MTUS1: variants seen among roughly 807,000 people sequenced by gnomAD.
MTUS1 encodes microtubule-associated tumor suppressor 1.
A neutral mutation model predicts 120.8 loss-of-function variants in MTUS1; 109 were observed. The observed-to-expected ratio is 0.90, with a 90% CI of 0.77 to 1.06. The LOEUF is 1.06. MTUS1 is among the 50% of genes least tolerant of loss of function. The probability of loss-of-function intolerance (pLI) is 0.00; values close to 1 mark genes in which losing one functional copy is unlikely to be tolerated. For synonymous variants in MTUS1, 737 were observed against 550.5 expected (o/e 1.34, Z -4.74); for missense variants, 2,210 against 1,486.3 (o/e 1.49, Z -8.01).
chr8:17,800,661 G>A (rs1393005598), intron 1 of MTUS1: 1 of 152,224 alleles, frequency 6.6e-6, no homozygotes, highest in African/African-American at 2.4e-5. Flanking sequence ...AAAGTAGCGA[G>A]GCGCCACGAG....
intron 3 of MTUS1, among the ~76,000 whole-genome samples, chr8:17,740,176 C>G (rs922079149): frequency 2.6e-5 from 4 of 151,522 alleles, no homozygotes; most frequent in Non-Finnish European, 5.9e-5. Context: ...CCATTGCACT[C>G]CAGCCTGATC....
chr8:17,669,532 G>A (rs950748398), intron 8 of MTUS1, among the ~76,000 whole-genome samples: 1 of 152,108 alleles, frequency 6.6e-6, no homozygotes, highest in African/African-American at 2.4e-5. Flanking sequence ...CCAAAATAGA[G>A]TCTTTTGTGT....
chr8:17,735,496 T>C (rs576068695), intron 3 of MTUS1, among the ~76,000 whole-genome samples: 3 of 152,338 alleles, frequency 2.0e-5, no homozygotes, highest in East Asian at 1.9e-4. Context: ...TCATCTGTCA[T>C]TGACCCCGGG....
intron 1 of MTUS1, among the ~76,000 whole-genome samples, chr8:17,789,338 G>A (rs551161519): frequency 4.0e-4 from 61 of 152,218 alleles, no homozygotes; most frequent in African/African-American, 1.4e-3. Context: ...GCCACTTTTA[G>A]TTTTTAAATT....
chr8:17,684,701 C>A (rs1563199484), intron 6 of MTUS1, among the ~76,000 whole-genome samples, 159 bp from the exon 7 acceptor site: 1 of 152,156 alleles, frequency 6.6e-6, no homozygotes, highest in East Asian at 1.9e-4. Context: ...AATCGGAGAT[C>A]TAGACGGTTG....
intron 8 of MTUS1, among the ~76,000 whole-genome samples, chr8:17,663,742 T>A (rs1388251336): frequency 2.0e-5 from 3 of 152,096 alleles, no homozygotes; most frequent in Non-Finnish European, 4.4e-5. Flanking sequence ...ATTACAGGCA[T>A]GCACCACCAT....
intron 3 of MTUS1, among the ~76,000 whole-genome samples, chr8:17,724,344 C>G (rs575000879): frequency 2.0e-5 from 3 of 152,076 alleles, no homozygotes; most frequent in Non-Finnish European, 4.4e-5. Flanking sequence ...ACAGAACTCA[C>G]GTTAACTGAA....
chr8:17,770,364 T>C (rs2049933010), intron 1 of MTUS1: 1 of 152,018 alleles, frequency 6.6e-6, no homozygotes, highest in South Asian at 2.1e-4. Context: ...CAAAAAAAAA[T>C]CCCTTTTGAA....
At chr8:17,720,826 T>A (rs562736509) in intron 4 of MTUS1, among the ~76,000 whole-genome samples, 5 of 152,188 alleles carry the variant, frequency 3.3e-5, no homozygotes, top group African/African-American at 1.2e-4. Flanking sequence ...ATGAGCACAT[T>A]TGGTATAGAA....
intron 1 of MTUS1, among the ~76,000 whole-genome samples, chr8:17,794,419 A>C (rs773648989): frequency 4.6e-5 from 7 of 152,228 alleles, no homozygotes; most frequent in Non-Finnish European, 7.3e-5. Flanking sequence ...TTTACATGAA[A>C]TATAAGCCTA....
chr8:17,675,009 G>A, intron 8 of MTUS1, 177 bp downstream of exon 8: 3 of 1,412,878 alleles, frequency 2.1e-6, no homozygotes, highest in Non-Finnish European at 2.8e-6. Flanking sequence ...GTGAACTGAA[G>A]GTCAAGCTGC....
At chr8:17,722,517 G>T (rs1341287998) in intron 4 of MTUS1, 4 of 985,030 alleles carry the variant, frequency 4.1e-6, no homozygotes, top group African/African-American at 3.5e-5. Context: ...CTGTTTAATT[G>T]CAAGTCACAT....
rs775096963 is a variant in MTUS1 at position 17,755,811 on chromosome 8, G to C, written c.-4C>G. ...CATCTGAATTATCATCAGTCATCCT[G>C]AATAGTAACCTTAAACCTCTGCCAT... On this transcript the variant is annotated 5_prime_UTR_variant, in exon 2 of 15. Transcript: ENST00000693296. 1.6e-5 allele frequency: 25 copies of C among 1,609,162 alleles called. No homozygotes were observed. Among genetic ancestry groups the C allele is most frequent in the Non-Finnish European group, 2.0e-5 (23 of 1,177,648 alleles).
chr8:17,777,687 A>C (rs1220399798), intron 1 of MTUS1, among the ~76,000 whole-genome samples: 1 of 151,912 alleles, frequency 6.6e-6, no homozygotes, highest in Non-Finnish European at 1.5e-5. Flanking sequence ...TCTTAGAAGG[A>C]CTCCATATCC....
chr8:17,774,946 G>C (rs1336897061), intron 1 of MTUS1, among the ~76,000 whole-genome samples: 1 of 140,722 alleles, frequency 7.1e-6, no homozygotes, highest in Non-Finnish European at 1.5e-5. Context: ...GCTGCAACAT[G>C]GCTGAACCCT....
intron 3 of MTUS1, among the ~76,000 whole-genome samples, chr8:17,725,220 G>A (rs182339076): frequency 7.9e-5 from 12 of 152,240 alleles, no homozygotes; most frequent in East Asian, 3.9e-4. Flanking sequence ...ACATTGTTGC[G>A]TATCACTAAG....
Position 17,646,713 on chromosome 8 carries a change from T to A in MTUS1, c.3599+269A>T, listed in dbSNP as rs141047245. 5.7e-3 allele frequency among the ~76,000 whole-genome samples: 871 copies of A among 152,348 alleles called. 7 individuals carry two copies. The highest frequency in any genetic ancestry group is 0.024 in the Middle Eastern group (7 of 294). On this transcript the variant is annotated intron_variant, in intron 14 of 14. Transcript: ENST00000693296. ...GCAGGCTGTTTTCTATTTGGTTTTGTGTTGCTCTTTGTCTGAAAGCATTCT... is the reference window on the plus strand; with the variant it reads ...GCAGGCTGTTTTCTATTTGGTTTTGAGTTGCTCTTTGTCTGAAAGCATTCT...
At chr8:17,733,008 T>TAAGTCACTCCAGTTCAAACTC (rs371694312) in intron 3 of MTUS1, among the ~76,000 whole-genome samples, 58 of 152,242 alleles carry the variant, frequency 3.8e-4, no homozygotes, top group African/African-American at 1.4e-3. Flanking sequence ...CATTAACATT[T>TAAGTCACTCCAGTTCAAACTC]AAGTCACTCC....
At chr8:17,694,654 C>T (rs1003238727) in intron 6 of MTUS1, among the ~76,000 whole-genome samples, 3 of 151,748 alleles carry the variant, frequency 2.0e-5, no homozygotes, top group Admixed American at 6.6e-5. Context: ...GGCAACAGAG[C>T]GAGACTCCAT....
Sources: allele counts gnomAD v4.1 joint callset (sites outside exome capture counted in the v4.1 genomes callset), GRCh38; gene constraint gnomAD v4.1.1; transcripts MANE v1.5; gene names NCBI Gene and HGNC (gene_info 2026-07-23, HGNC 2026-07-21).